RAB11FIP4: variants seen among roughly 807,000 people sequenced by gnomAD.
RAB11FIP4 encodes rab11 family-interacting protein 4.
A neutral mutation model predicts 74.3 loss-of-function variants in RAB11FIP4; 23 were observed. That is an observed-to-expected ratio of 0.31 (90% CI 0.22 to 0.44). The LOEUF (loss-of-function observed/expected upper bound fraction) is 0.44. Ranked by LOEUF, RAB11FIP4 falls within the 20% of genes least tolerant of loss-of-function variation. The pLI is 1.00. For missense variants in RAB11FIP4, 630 were observed against 863.9 expected, an observed-to-expected ratio of 0.73 and a Z score of 3.39; for synonymous variants, 360 against 359.9, an observed-to-expected ratio of 1.00 and a Z score of 0.00.
At chr17:31,459,099 T>C (rs1186497281) in intron 3 of RAB11FIP4, among the ~76,000 whole-genome samples, 1 of 152,178 alleles carries the variant, frequency 6.6e-6, no homozygotes, top group African/African-American at 2.4e-5. Context: ...CAATGGCCTC[T>C]CTGCTGACTT....
At chr17:31,405,943 C>T (rs2071037667) in intron 1 of RAB11FIP4, among the ~76,000 whole-genome samples, 1 of 151,754 alleles carries the variant, frequency 6.6e-6, no homozygotes, top group Admixed American at 6.6e-5. Flanking sequence ...CCTGCCTCAT[C>T]CCAGGCACCG....
intron 7 of RAB11FIP4, chr17:31,523,054 G>T (rs998115371): frequency 3.3e-5 from 7 of 213,286 alleles, no homozygotes; most frequent in African/African-American, 1.6e-4. Context: ...CTCTGCCTTT[G>T]CCATCCCCCA....
chr17:31,527,801 A>G (rs377629186), intron 10 of RAB11FIP4, 41 bp from the exon 11 acceptor site: 31 of 1,497,682 alleles, frequency 2.1e-5, no homozygotes, highest in East Asian at 9.2e-5. Flanking sequence ...CAGATAGTCT[A>G]CATTCCAGGT....
chr17:31,530,544 A>C, intron 14 of RAB11FIP4, 75 bp downstream of exon 14: 1 of 1,565,568 alleles, frequency 6.4e-7, no homozygotes, highest in Non-Finnish European at 8.7e-7. Context: ...CCACCTGCCC[A>C]GAGTGAGAAA....
At position 31,528,772 on chromosome 17, in the gene RAB11FIP4, C is replaced by T. The variant is rs763628736; in HGVS notation, c.1647C>T (p.Leu549=). The T allele has an allele frequency of 1.2e-6, 2 of 1,608,508 alleles. No individual in the cohort carries two copies. Among genetic ancestry groups the T allele is most frequent in the African/African-American group, 1.3e-5 (1 of 74,838 alleles). ...AGCTCGAGCACGAGGTCAAGCGGCTCAAGCAGGTGGGTCTAGCAGTCTCTG... is the reference window on the plus strand; with the variant it reads ...AGCTCGAGCACGAGGTCAAGCGGCTTAAGCAGGTGGGTCTAGCAGTCTCTG... ...EVELEHEVKR[L]KQENYKLRDQ... is the part of the protein sequence containing the mutation. Residue 549 remains leucine, a synonymous_variant, in exon 13 of 15, where the codon CTC becomes CTT. Transcript: ENST00000621161.
rs2072478643 is a variant in RAB11FIP4 at position 31,512,914 on chromosome 17, G to A, written c.337-4737G>A. On this transcript the variant is annotated intron_variant, in intron 3 of 14. Coordinates refer to ENST00000621161, the MANE Select transcript of RAB11FIP4 (RefSeq NM_032932.6). This position sits in a 1 kb window ranked among gnomAD's most constrained non-coding sequence, Gnocchi z 4.1. ...AGAGGCAGTCTTGGAAGCTGCCCTG[G>A]GCACAGACCTTACTTGCTGACCCCG... 6.6e-6 allele frequency among the ~76,000 whole-genome samples: 1 copy of A among 152,094 alleles called. No homozygotes were observed. Among genetic ancestry groups the A allele is most frequent in the South Asian group, 2.1e-4 (1 of 4,818 alleles).
chr17:31,502,210 C>T (rs148578297), intron 3 of RAB11FIP4, among the ~76,000 whole-genome samples: 67 of 147,692 alleles, frequency 4.5e-4, no homozygotes, highest in African/African-American at 1.6e-3. Flanking sequence ...GTTGACAGAG[C>T]GATACCTTGT....
At position 31,530,391 on chromosome 17, in the gene RAB11FIP4, C is replaced by A; in HGVS notation, c.1719C>A (p.Tyr573Ter). The change falls in exon 14 of 15, where the codon TAC becomes TAA. Residue 573 changes from tyrosine to a stop codon, truncating the protein, a stop_gained. Transcript: ENST00000621161. LOFTEE classifies it high-confidence loss of function. ...GGCAGATTTTGAGCCTCAGCCTCTA[C>A]GAAGCAAAAAACCTCTTTGCTGCCC... ...LNGQILSLSL[Y>*]EAKNLFAAQT... 6.2e-7 allele frequency: 1 copy of A among 1,614,102 alleles called. No individual in the cohort carries two copies. Among genetic ancestry groups the A allele is most frequent in the Non-Finnish European group, 8.5e-7 (1 of 1,179,998 alleles).
intron 1 of RAB11FIP4, among the ~76,000 whole-genome samples, chr17:31,401,150 T>A (rs932023219): frequency 6.6e-6 from 1 of 152,046 alleles, no homozygotes; most frequent in Non-Finnish European, 1.5e-5. Context: ...TGGGCGACTG[T>A]AGTCCCAGTT....
intron 3 of RAB11FIP4, among the ~76,000 whole-genome samples, chr17:31,486,884 G>A (rs756365508): frequency 7.2e-5 from 11 of 152,220 alleles, no homozygotes; most frequent in Non-Finnish European, 1.3e-4. Flanking sequence ...CATAGGGGCC[G>A]CTGCGAATTT....
At chr17:31,515,294 A>G (rs2072524882) in intron 3 of RAB11FIP4, among the ~76,000 whole-genome samples, 2 of 151,710 alleles carry the variant, frequency 1.3e-5, no homozygotes, top group Non-Finnish European at 2.9e-5. Context: ...GATTAATGAC[A>G]TGTGGGTGGA....
chr17:31,442,201 C>T lies in RAB11FIP4; in HGVS notation c.336+8079C>T, dbSNP rs1287087576. Among the ~76,000 whole-genome samples the T allele has an allele frequency of 5.3e-5, 8 of 152,044 alleles. No homozygotes were observed. In the East Asian group the frequency reaches 1.6e-3, roughly 30 times the overall value. ...TTTTTAGTAGAGACAGGGTTTCACT[C>T]TGTTAGCCAGGATGGTCTCGATCTC... On this transcript the variant is annotated intron_variant, in intron 3 of 14. Coordinates refer to ENST00000621161, the MANE Select transcript of RAB11FIP4 (RefSeq NM_032932.6).
intron 3 of RAB11FIP4, among the ~76,000 whole-genome samples, chr17:31,475,516 CCT>C (rs1360572880): frequency 3.3e-5 from 5 of 152,214 alleles, no homozygotes; most frequent in African/African-American, 1.2e-4. Flanking sequence ...CCTCAAAACC[CCT>C]GTGACACAGA....
chr17:31,515,891 G>A (rs12601510), intron 3 of RAB11FIP4, among the ~76,000 whole-genome samples: 6,261 of 152,222 alleles, frequency 0.041, 362 homozygotes, highest in East Asian at 0.2. Flanking sequence ...TTAACAAAAG[G>A]TGCCAGCATG....
At chr17:31,453,079 G>A (rs984291397) in intron 3 of RAB11FIP4, among the ~76,000 whole-genome samples, 2 of 152,244 alleles carry the variant, frequency 1.3e-5, no homozygotes, top group Admixed American at 6.5e-5. Context: ...GGCTGGGCAC[G>A]GTGGCTCACG....
chr17:31,469,829 C>T (rs922492087), intron 3 of RAB11FIP4, among the ~76,000 whole-genome samples: 3 of 152,172 alleles, frequency 2.0e-5, no homozygotes, highest in Non-Finnish European at 4.4e-5. Flanking sequence ...GCAACTAAAC[C>T]GTTTGGCGGT....
intron 13 of RAB11FIP4, 81 bp from the exon 14 acceptor site, chr17:31,530,245 A>G: frequency 6.4e-7 from 1 of 1,552,856 alleles, no homozygotes; most frequent in South Asian, 1.1e-5. Context: ...CAGGTCGGGG[A>G]CGGTGGATGT....
At chr17:31,397,790 T>A (rs142426928) in intron 1 of RAB11FIP4, among the ~76,000 whole-genome samples, 50 of 151,838 alleles carry the variant, frequency 3.3e-4, no homozygotes, top group African/African-American at 1.2e-3. Flanking sequence ...TGGCCTCTTG[T>A]GCCCACCAGT....
intron 3 of RAB11FIP4, among the ~76,000 whole-genome samples, chr17:31,479,302 C>T (rs965212710): frequency 1.3e-5 from 2 of 152,200 alleles, no homozygotes; most frequent in Admixed American, 1.3e-4. Context: ...GGGAAGAGGG[C>T]AGCCTGACTT....
Sources: gnomAD v4.1 joint callset for allele counts (sites outside exome capture counted in the v4.1 genomes callset) on GRCh38, gnomAD v4.1.1 for gene constraint, Gnocchi (gnomAD v3.1) non-coding constraint, MANE v1.5 for transcripts, NCBI Gene and HGNC (gene_info 2026-07-23, HGNC 2026-07-21) for gene names.